DCDC1: variants seen among roughly 807,000 people sequenced by gnomAD.
The protein encoded by DCDC1 is doublecortin domain containing 1, also known as doublecortin domain-containing protein 1.
Under a neutral mutation model 178.3 loss-of-function variants are expected in DCDC1, and 200 were observed. The observed-to-expected ratio is 1.12, with a 90% CI of 1.00 to 1.26. DCDC1 has a LOEUF of 1.26. DCDC1 is among the 50% of genes most tolerant of loss of function. DCDC1 has a pLI of 0.00. For missense variants in DCDC1, 1,983 were observed against 1,749.2 expected, an observed-to-expected ratio of 1.13 and a Z score of -2.38; for synonymous variants, 690 against 604.8, an observed-to-expected ratio of 1.14 and a Z score of -2.07.
rs773596706 is a variant in DCDC1 at position 30,915,633 on chromosome 11, A to G, written c.3531T>C (p.His1177=). 1.7e-5 allele frequency: 27 copies of G among 1,613,894 alleles called. No individual in the cohort carries two copies. The highest frequency in any genetic ancestry group is 2.1e-5 in the Non-Finnish European group (25 of 1,179,880). The change falls in exon 27 of 39, where the codon CAT becomes CAC. Residue 1177 remains histidine (H), a synonymous_variant. Coordinates refer to ENST00000684477, the MANE Select transcript of DCDC1 (RefSeq NM_001387274.1). ...CCCCCAAGACTAGCTGAGGAGCAGC[A>G]TGGCTTATAATCTGCCCATCTCTGT... The part of the protein sequence containing the change: ...FEYRDGQIIS[H]AAPQLVLGVQ...
intron 7 of DCDC1, among the ~76,000 whole-genome samples, chr11:31,271,311 T>G (rs938010685): frequency 6.6e-6 from 1 of 152,236 alleles, no homozygotes; most frequent in South Asian, 2.1e-4. Flanking sequence ...TCTCAGCTTT[T>G]AAAGCAGTTT....
intron 20 of DCDC1, among the ~76,000 whole-genome samples, chr11:31,001,034 T>A (rs1257265625): frequency 6.6e-6 from 1 of 152,164 alleles, no homozygotes; most frequent in Middle Eastern, 3.2e-3. Context: ...GAGTCAATTA[T>A]TACCATAACA....
chr11:31,214,855 T>C (rs904874572), intron 9 of DCDC1, among the ~76,000 whole-genome samples: 2 of 152,020 alleles, frequency 1.3e-5, no homozygotes, highest in African/African-American at 4.8e-5. Context: ...TTTATGCTTC[T>C]TACCTTCAAT....
chr11:31,315,663 T>TTTTA (rs1949057508), intron 3 of DCDC1, among the ~76,000 whole-genome samples: 1 of 146,028 alleles, frequency 6.8e-6, no homozygotes, highest in Non-Finnish European at 1.5e-5. Context: ...TTTTTTTTTT[T>TTTTA]TTTTATTAAA....
intron 9 of DCDC1, among the ~76,000 whole-genome samples, chr11:31,147,806 G>C (rs1345993204): frequency 6.6e-6 from 1 of 152,182 alleles, no homozygotes; most frequent in East Asian, 1.9e-4. Flanking sequence ...TTAAGGGAAG[G>C]CCAAAGAAAG....
intron 9 of DCDC1, among the ~76,000 whole-genome samples, chr11:31,233,530 T>C (rs1015028761): frequency 2.0e-5 from 3 of 152,172 alleles, no homozygotes; most frequent in African/African-American, 2.4e-5. Flanking sequence ...AAGATAAGGT[T>C]AAATCAGTGA....
chr11:31,177,858 GC>G (rs1426008949), intron 9 of DCDC1, among the ~76,000 whole-genome samples: 6 of 152,000 alleles, frequency 3.9e-5, no homozygotes, highest in Admixed American at 6.5e-5. Context: ...CAACACTGGA[GC>G]CCCCACATAT....
intron 20 of DCDC1, among the ~76,000 whole-genome samples, chr11:30,976,537 TA>T (rs375485167): frequency 0.027 from 3,887 of 142,708 alleles, 168 homozygotes; most frequent in African/African-American, 0.092. Context: ...TGAATAGACT[TA>T]AAAAAAAAAA....
intron 20 of DCDC1, among the ~76,000 whole-genome samples, chr11:31,004,407 T>C (rs1951729288): frequency 6.6e-6 from 1 of 151,546 alleles, no homozygotes; most frequent in Non-Finnish European, 1.5e-5. Context: ...GGCCAGGAGA[T>C]GCACGTCTAT....
chr11:30,905,088 G>A lies in DCDC1; in HGVS notation c.4181C>T (p.Thr1394Ile). The A allele has an allele frequency of 1.2e-6, 2 of 1,613,684 alleles. No homozygotes were observed. The highest frequency in any genetic ancestry group is 1.1e-5 in the South Asian group (1 of 91,072). The change falls in exon 31 of 39, where the codon ACC (threonine) becomes ATC (isoleucine). Residue 1394 changes from threonine to isoleucine, a missense_variant. Physicochemically the swap from Thr to Ile is moderately conservative, Grantham distance 89 (BLOSUM62 -1). Transcript: ENST00000684477. ...QARLLSLRMK[T>I]CTQAASHSGM... ...ACTGTGAGATGCAGCTTGCGTGCAG[G>A]TCTTCATCCGTAAAGACAATAGACG...
intron 3 of DCDC1, among the ~76,000 whole-genome samples, chr11:31,322,030 T>G (rs545286705): frequency 6.6e-6 from 1 of 152,332 alleles, no homozygotes; most frequent in African/African-American, 2.4e-5. Context: ...TTCCTTATTC[T>G]AAATCATTTT....
intron 8 of DCDC1, among the ~76,000 whole-genome samples, chr11:31,254,640 G>GCAAGTTAA (rs749430516): frequency 1.3e-5 from 2 of 152,140 alleles, no homozygotes; most frequent in Non-Finnish European, 2.9e-5. Flanking sequence ...TCATGAGTCT[G>GCAAGTTAA]CAAGTTAACA....
intron 25 of DCDC1, among the ~76,000 whole-genome samples, chr11:30,920,032 C>T (rs1050819677): frequency 1.3e-5 from 2 of 152,052 alleles, no homozygotes; most frequent in Admixed American, 6.6e-5. Flanking sequence ...CAGATAAGTA[C>T]GGGGCAAGTA....
At chr11:31,034,242 T>A (rs1953869313) in intron 20 of DCDC1, among the ~76,000 whole-genome samples, 1 of 152,080 alleles carries the variant, frequency 6.6e-6, no homozygotes, top group Admixed American at 6.6e-5. Context: ...GTTTGTGTTT[T>A]AAACTGAGAA....
At chr11:31,136,164 A>C (rs1179700320) in intron 10 of DCDC1, among the ~76,000 whole-genome samples, 4 of 152,088 alleles carry the variant, frequency 2.6e-5, no homozygotes, top group Non-Finnish European at 1.5e-5. Flanking sequence ...ATTCACTTTT[A>C]GCTTACTGTG....
At chr11:31,356,979 T>C (rs1441608811) in intron 1 of DCDC1, among the ~76,000 whole-genome samples, 3 of 152,118 alleles carry the variant, frequency 2.0e-5, no homozygotes, top group Admixed American at 1.3e-4. Flanking sequence ...CAGGACCAGA[T>C]GGATTCACAG....
intron 9 of DCDC1, among the ~76,000 whole-genome samples, chr11:31,167,321 G>A (rs1359403339): frequency 2.0e-5 from 3 of 152,150 alleles, no homozygotes; most frequent in East Asian, 3.8e-4. Flanking sequence ...TAGCTGTTCA[G>A]TAAGTGTTAT....
In DCDC1 at chr11:31,210,585, C is replaced by T. The variant is rs375995156; in HGVS notation, c.1221+30865G>A. 2.6e-4 allele frequency among the ~76,000 whole-genome samples: 40 copies of T among 152,004 alleles called. 1 individual carries two copies. The South Asian group carries it at 3.9e-3, about 15-fold the overall frequency. On this transcript the variant is annotated intron_variant, in intron 9 of 38. Transcript: ENST00000684477. Reference sequence around the variant, plus strand: ...AATTAGCTGGGCATGGTGGCACATGCCTGTAATCCCAGCTACTCAGGAGGC... The same window carrying T: ...AATTAGCTGGGCATGGTGGCACATGTCTGTAATCCCAGCTACTCAGGAGGC...
At position 31,318,842 on chromosome 11, in the gene DCDC1, A is replaced by G. The variant is rs183767634; in HGVS notation, c.164+9275T>C. Among the ~76,000 whole-genome samples, 11 of 64,414 alleles carry G rather than the reference A, an allele frequency of 1.7e-4. 5 individuals carry two copies. In the African/African-American group the frequency reaches 1.8e-3, roughly 10 times the overall value. The allele number at this position is 64,414 out of a possible 152,430, so 42.3% of individuals were successfully genotyped here. A position where few individuals can be genotyped will look rare whatever the true frequency, so the allele number is the denominator to read the frequency against. On this transcript the variant is annotated intron_variant, in intron 3 of 38. Transcript: ENST00000684477. ...ACACTGTTTTGAACGCGTCCCAGAGATTCTGGTATGTGGTGTCTTTGTTCT... is the reference window on the plus strand; with the variant it reads ...ACACTGTTTTGAACGCGTCCCAGAGGTTCTGGTATGTGGTGTCTTTGTTCT...
Sources: gnomAD v4.1 joint callset for allele counts (sites outside exome capture counted in the v4.1 genomes callset) on GRCh38, gnomAD v4.1.1 for gene constraint, MANE v1.5 for transcripts, NCBI Gene and HGNC (gene_info 2026-07-23, HGNC 2026-07-21) for gene names.